The following CFD variants were observed in gnomAD, a reference collection of about 807,000 sequenced individuals.
CFD encodes complement factor D.
A neutral mutation model predicts 21.1 loss-of-function variants in CFD; 24 were observed. The ratio of observed to expected loss-of-function variants is 1.14; its 90% CI spans 0.82 to 1.60. The LOEUF (loss-of-function observed/expected upper bound fraction) is 1.60. Among genes scored for constraint, CFD ranks in the 40% most tolerant of loss-of-function variants. The pLI is 0.00. For synonymous variants in CFD, 242 were observed against 175.9 expected (o/e 1.38, Z -2.97); for missense variants, 535 against 383.3 (o/e 1.40, Z -3.31).
At chr19:862,531 G>A (rs1236603252) in intron 4 of CFD, among the ~76,000 whole-genome samples, 2 of 149,802 alleles carry the variant, frequency 1.3e-5, no homozygotes, top group Non-Finnish European at 3.0e-5. Context: ...CGGGGCAGGT[G>A]GAAGGGGCGG....
rs779993208 is a variant in CFD, at chr19:861,049, C to T, written c.357+44C>T. On this transcript the variant is annotated intron_variant, in intron 3 of 4. Coordinates refer to ENST00000327726, the MANE Select transcript of CFD (RefSeq NM_001928.4). ...AGTCCCTCCTGCGGCGCTGGGATCC[C>T]CGGCCCACCCTCACTCCACCCCGCC... 7 of 1,580,336 alleles carry T rather than the reference C, an allele frequency of 4.4e-6. No homozygotes were observed. The East Asian group carries it at 6.9e-5, about 15-fold the overall frequency.
Position 863,038 on chromosome 19 carries a change from G to A in CFD, c.616-54G>A. 2.7e-6 allele frequency: 4 copies of A among 1,470,136 alleles called. No homozygotes were observed. In the South Asian group the frequency reaches 4.0e-5, roughly 15 times the overall value. 91.1% of individuals were successfully genotyped at this position (1,470,136 alleles called of 1,614,324 possible). ...GCAGCCAGGTGAGGGGGTCTAACACGTGAGGCCGGGGTGGGCGCGGGCCGC... is the reference window on the plus strand; with the variant it reads ...GCAGCCAGGTGAGGGGGTCTAACACATGAGGCCGGGGTGGGCGCGGGCCGC... On this transcript the variant is annotated intron_variant, in intron 4 of 4. Transcript: ENST00000327726.
chr19:860,743 T>C lies in CFD; in HGVS notation c.182T>C (p.Val61Ala). The C allele has an allele frequency of 6.4e-7, 1 of 1,567,750 alleles. No individual in the cohort carries two copies. Among genetic ancestry groups the C allele is most frequent in the Non-Finnish European group, 8.6e-7 (1 of 1,166,248 alleles). Residue 61 changes from valine to alanine, a missense_variant, in exon 2 of 5, where the codon GTG (valine) becomes GCG (alanine). Transcript: ENST00000327726. ...GGCGTCCTGGTGGCGGAGCAGTGGGTGCTGAGCGCGGCGCACTGCCTGGAG... is the reference window on the plus strand; with the variant it reads ...GGCGTCCTGGTGGCGGAGCAGTGGGCGCTGAGCGCGGCGCACTGCCTGGAG... ...CGGVLVAEQWVLSAAHCLEDA... is the reference protein window; with the variant it reads ...CGGVLVAEQWALSAAHCLEDA...
At position 863,170 on chromosome 19, in the gene CFD, C is replaced by G; in HGVS notation, c.694C>G (p.Arg232Gly). Reference protein sequence around the residue: ...VTSGSRVCGNRKKPGIYTRVA... With the variant: ...VTSGSRVCGNGKKPGIYTRVA... The stretch of plus-strand genomic sequence containing the variant: ...CTCGGGCTCGCGCGTTTGCGGCAAC[C>G]GCAAGAAGCCCGGGATCTACACCCG... Residue 232 changes from arginine (R) to glycine (G), a missense_variant, in exon 5 of 5, where the codon CGC becomes GGC. Arg to Gly is a moderately radical substitution (Grantham distance 125). Coordinates refer to ENST00000327726, the MANE Select transcript of CFD (RefSeq NM_001928.4). 4 of 1,504,286 alleles carry G rather than the reference C, an allele frequency of 2.7e-6. No individual in the cohort carries two copies. Among genetic ancestry groups the G allele is most frequent in the Non-Finnish European group, 3.5e-6 (4 of 1,132,930 alleles). 93.2% of individuals were successfully genotyped at this position (1,504,286 alleles called of 1,614,324 possible). A position where few individuals can be genotyped will look rare whatever the true frequency, so the allele number is the denominator to read the frequency against.
In CFD at chr19:863,216, G is replaced by T; in HGVS notation, c.740G>T (p.Trp247Leu). 6.5e-7 allele frequency: 1 copy of T among 1,544,590 alleles called. No individual in the cohort carries two copies. The highest frequency in any genetic ancestry group is 8.7e-7 in the Non-Finnish European group (1 of 1,151,324). ...IYTRVASYAA[W>L]IDSVLA ...ACCCGCGTGGCGAGCTATGCGGCCT[G>T]GATCGACAGCGTCCTGGCCTAGGGT... The change falls in exon 5 of 5, where the codon TGG (tryptophan) becomes TTG (leucine). Residue 247 changes from tryptophan (W) to leucine (L), a missense_variant. Coordinates refer to ENST00000327726, the MANE Select transcript of CFD (RefSeq NM_001928.4).
rs2035821377 is a variant in CFD at position 862,734 on chromosome 19, G to T, written c.616-358G>T. On this transcript the variant is annotated intron_variant, in intron 4 of 4. Coordinates refer to ENST00000327726, the MANE Select transcript of CFD (RefSeq NM_001928.4). The stretch of plus-strand genomic sequence containing the variant: ...ACTGAGCAGAGCAGGTGGCCACTGA[G>T]ACGCGTTAGGGCAGAAGTGGGATCC... Among the ~76,000 whole-genome samples the T allele has an allele frequency of 2.6e-5, 4 of 151,834 alleles. No homozygotes were observed. In the South Asian group the frequency reaches 8.3e-4, roughly 32 times the overall value.
chr19:859,813 G>A (rs534031942), intron 1 of CFD, 69 bp downstream of exon 1: 9 of 1,278,630 alleles, frequency 7.0e-6, no homozygotes, highest in Non-Finnish European at 8.9e-6. Flanking sequence ...TCCGTCACAC[G>A]GACGGTCCTC....
chr19:861,993 C>G (rs749278971), intron 4 of CFD, 37 bp downstream of exon 4: 12 of 1,515,664 alleles, frequency 7.9e-6, no homozygotes, highest in East Asian at 4.9e-5. Context: ...GCGGGGCCTG[C>G]AGGCCCCGGG....
chr19:863,210 C>A lies in CFD; in HGVS notation c.734C>A (p.Ala245Glu), dbSNP rs958184064. The change falls in exon 5 of 5, where the codon GCG becomes GAG. Residue 245 changes from alanine to glutamate, a missense_variant. Ala to Glu is a moderately radical substitution (Grantham distance 107). Coordinates refer to ENST00000327726, the MANE Select transcript of CFD (RefSeq NM_001928.4). ...ATCTACACCCGCGTGGCGAGCTATG[C>A]GGCCTGGATCGACAGCGTCCTGGCC... ...PGIYTRVASY[A>E]AWIDSVLA 1.3e-6 allele frequency: 2 copies of A among 1,542,726 alleles called. No individual in the cohort carries two copies. The highest frequency in any genetic ancestry group is 1.7e-6 in the Non-Finnish European group (2 of 1,150,168).
intron 3 of CFD, 90 bp from the exon 4 acceptor site, chr19:861,609 C>G: frequency 6.8e-7 from 1 of 1,478,018 alleles, no homozygotes; most frequent in Non-Finnish European, 9.1e-7. Context: ...CTGATGCCCA[C>G]CTCCCCCGTC....
chr19:859,833 C>T, intron 1 of CFD, 89 bp downstream of exon 1: 3 of 954,984 alleles, frequency 3.1e-6, no homozygotes, highest in Non-Finnish European at 4.9e-6. Flanking sequence ...CCAGCCCCTC[C>T]AGGTGGGCAG....
At chr19:862,485 G>A (rs1169163446) in intron 4 of CFD, among the ~76,000 whole-genome samples, 2 of 130,630 alleles carry the variant, frequency 1.5e-5, no homozygotes, top group African/African-American at 5.7e-5. Flanking sequence ...ATAGGGGGCG[G>A]GCACGTGGAG....
chr19:860,081 G>T (rs942785351), intron 1 of CFD, among the ~76,000 whole-genome samples: 3 of 152,068 alleles, frequency 2.0e-5, no homozygotes, highest in African/African-American at 7.2e-5. Flanking sequence ...GCTGGGATCT[G>T]CCCCCGGTCC....
chr19:860,644 G>A lies in CFD; in HGVS notation c.83G>A (p.Gly28Asp), dbSNP rs1311501911. 1.3e-6 allele frequency: 2 copies of A among 1,487,902 alleles called. No individual in the cohort carries two copies. Among genetic ancestry groups the A allele is most frequent in the East Asian group, 2.7e-5 (1 of 36,466 alleles). 92.2% of individuals were successfully genotyped at this position (1,487,902 alleles called of 1,614,324 possible). A position where few individuals can be genotyped will look rare whatever the true frequency, so the allele number is the denominator to read the frequency against. Reference sequence around the variant, plus strand: ...GCGCCGCCCCGTGGTCGGATCCTGGGCGGCAGAGAGGCCGAGGCGCACGCG... The same window carrying A: ...GCGCCGCCCCGTGGTCGGATCCTGGACGGCAGAGAGGCCGAGGCGCACGCG... ...CAAPPRGRIL[G>D]GREAEAHARP... Residue 28 changes from glycine to aspartate, a missense_variant, in exon 2 of 5, where the codon GGC (glycine) becomes GAC (aspartate). Coordinates refer to ENST00000327726, the MANE Select transcript of CFD (RefSeq NM_001928.4).
intron 4 of CFD, 53 bp downstream of exon 4, chr19:862,009 C>T (rs1251674009): frequency 2.5e-5 from 38 of 1,509,022 alleles, no homozygotes; most frequent in Non-Finnish European, 3.5e-6. Flanking sequence ...CCGGGAAGGG[C>T]CTGCAGAGGG....
At chr19:863,064 C>T (rs773139859) in intron 4 of CFD, 28 bp from the exon 5 acceptor site, 37 of 1,492,940 alleles carry the variant, frequency 2.5e-5, no homozygotes, top group African/African-American at 9.7e-5. Context: ...CGCGGGCCGC[C>T]CCTCACGGCC....
chr19:861,952 G>A lies in CFD; in HGVS notation c.611G>A (p.Cys204Tyr). ...GCGGAGAGCAATCGCCGGGACAGCT[G>A]CAAGGTGAGCCTTCAGGCCTGGGAG... ...MCAESNRRDS[C>Y]KGDSGGPLVC... is the part of the protein sequence containing the mutation. The change falls in exon 4 of 5, where the codon TGC (cysteine) becomes TAC (tyrosine). Residue 204 changes from cysteine (C) to tyrosine (Y), a missense_variant. Coordinates refer to ENST00000327726, the MANE Select transcript of CFD (RefSeq NM_001928.4). 6.5e-7 allele frequency: 1 copy of A among 1,545,560 alleles called. No individual in the cohort carries two copies.
Position 859,738 on chromosome 19 carries a change from G to A in CFD, c.49G>A (p.Ala17Thr), listed in dbSNP as rs757038801. ...AGTTCTGGTCCTCCTAGGAGCGGCC[G>A]CCTGCGGTGAGGAGGCCTGGGCCTG... is the stretch of plus-strand genomic sequence containing the variant. ...LAVLVLLGAA[A>T]CAAPPRGRIL... The change falls in exon 1 of 5, where the codon GCC becomes ACC. Residue 17 changes from alanine to threonine, a missense_variant. Physicochemically the swap from Ala to Thr is moderately conservative, Grantham distance 58. Transcript: ENST00000327726. The A allele has an allele frequency of 6.4e-6, 10 of 1,570,660 alleles. No individual in the cohort carries two copies. Among genetic ancestry groups the A allele is most frequent in the Non-Finnish European group, 8.6e-6 (10 of 1,158,120 alleles).
rs778118626 is a variant in CFD, at chr19:860,981, C to G, written c.333C>G (p.Ile111Met). ...VPHPDSQPDT[I>M]DHDLLLLQLS... ...ACCCGGACAGCCAGCCCGACACCATCGACCACGACCTCCTGCTGCTACAGG... is the reference window on the plus strand; with the variant it reads ...ACCCGGACAGCCAGCCCGACACCATGGACCACGACCTCCTGCTGCTACAGG... Residue 111 changes from isoleucine (I) to methionine (M), a missense_variant, in exon 3 of 5, where the codon ATC becomes ATG. Transcript: ENST00000327726. 1.3e-6 allele frequency: 2 copies of G among 1,599,238 alleles called. No homozygotes were observed. The highest frequency in any genetic ancestry group is 1.7e-5 in the Admixed American group (1 of 59,926).
Sources: allele counts gnomAD v4.1 joint callset (sites outside exome capture counted in the v4.1 genomes callset), GRCh38; gene constraint gnomAD v4.1.1; transcripts MANE v1.5; gene names NCBI Gene and HGNC (gene_info 2026-07-23, HGNC 2026-07-21).